The following NIN variants were observed in gnomAD, a reference collection of about 807,000 sequenced individuals.
NIN encodes glycogen synthase kinase 3 beta-interacting protein.
NIN carries 137 observed loss-of-function variants against 257.6 expected under a neutral mutation model. The observed-to-expected ratio is 0.53, with a 90% CI of 0.46 to 0.61. The LOEUF (loss-of-function observed/expected upper bound fraction) is 0.61. Ranked by LOEUF, NIN falls within the 20% of genes least tolerant of loss-of-function variation. The pLI, the probability that NIN is intolerant of heterozygous loss-of-function variation, is 0.00. For synonymous variants in NIN, 918 were observed against 919.8 expected, an observed-to-expected ratio of 1.00 and a Z score of 0.04; for missense variants, 2,439 against 2,501.2, an observed-to-expected ratio of 0.98 and a Z score of 0.53.
chr14:50,769,898 G>GCACCGCTGCGCTCCAGTCTGGGTGA (rs2042657851), intron 12 of NIN, among the ~76,000 whole-genome samples: 1 of 150,796 alleles, frequency 6.6e-6, no homozygotes, highest in Non-Finnish European at 1.5e-5. Context: ...AGTTATAACT[G>GCACCGCTGCGCTCCAGTCTGGGTGA]CACCGCTGCG....
chr14:50,775,359 T>TTTC (rs2042882628), intron 7 of NIN, among the ~76,000 whole-genome samples: 2 of 152,150 alleles, frequency 1.3e-5, no homozygotes, highest in African/African-American at 4.8e-5. Context: ...GTTACAGGCA[T>TTTC]AAGACAGTGA....
At chr14:50,806,940 A>G in intron 3 of NIN, 122 bp from the exon 4 acceptor site, 1 of 492,208 alleles carries the variant, frequency 2.0e-6, no homozygotes, top group East Asian at 3.4e-5. Context: ...TCATAATCCA[A>G]TTTGTTGCCC....
At position 50,756,728 on chromosome 14, in the gene NIN, G is replaced by A. The variant is rs1488305872; in HGVS notation, c.4302C>T (p.Asn1434=). Reference sequence around the variant, plus strand: ...TGTCTTGAAAGCCTAGGAGAGTAGTGTTTTCCTCCAGTATAACTTGATTCT... The same window carrying A: ...TGTCTTGAAAGCCTAGGAGAGTAGTATTTTCCTCCAGTATAACTTGATTCT... The part of the protein sequence containing the change: ...RVQNQVILEE[N]TTLLGFQDKH... Residue 1434 remains asparagine, a synonymous_variant, in exon 18 of 31, where the codon AAC becomes AAT. Coordinates refer to ENST00000530997, the MANE Select transcript of NIN (RefSeq NM_020921.4). The A allele has an allele frequency of 1.3e-6, 2 of 1,551,512 alleles. No homozygotes were observed. The highest frequency in any genetic ancestry group is 1.2e-5 in the South Asian group (1 of 84,076).
At chr14:50,759,816 G>T in intron 17 of NIN, 41 bp downstream of exon 17, 2 of 1,562,930 alleles carry the variant, frequency 1.3e-6, no homozygotes, top group South Asian at 1.2e-5. Context: ...TGCCCCGAGG[G>T]ATGGTGCCCC....
In NIN at chr14:50,757,305, G is replaced by A; in HGVS notation, c.3725C>T (p.Pro1242Leu). Residue 1242 changes from proline to leucine, a missense_variant, in exon 18 of 31, where the codon CCT (proline) becomes CTT (leucine). Coordinates refer to ENST00000530997, the MANE Select transcript of NIN (RefSeq NM_020921.4). ...KKKLKMLERIPEASPKYKLLY... is the reference protein window; with the variant it reads ...KKKLKMLERILEASPKYKLLY... ...CAGCTTATATTTGGGAGAAGCCTCA[G>A]GGATTCTCTCAAGCATCTTCAGTTT... 1 of 1,614,072 alleles carries A rather than the reference G, an allele frequency of 6.2e-7. No individual in the cohort carries two copies. Among genetic ancestry groups the A allele is most frequent in the Non-Finnish European group, 8.5e-7 (1 of 1,180,006 alleles).
rs1390717453 is a variant in NIN at position 50,777,078 on chromosome 14, G to T, written c.537C>A (p.Pro179=). ...LNASQSGSSP[P]QDWIEEKLQE... The stretch of plus-strand genomic sequence containing the variant: ...GCAGTTTCTCTTCTATCCAGTCTTG[G>T]GGAGGGGAAGATCCACTCTGTGAAG... The change falls in exon 7 of 31, where the codon CCC becomes CCA. Residue 179 remains proline (P), a synonymous_variant. Transcript: ENST00000530997. 6.2e-7 allele frequency: 1 copy of T among 1,614,142 alleles called. No homozygotes were observed. The highest frequency in any genetic ancestry group is 8.5e-7 in the Non-Finnish European group (1 of 1,180,016).
intron 4 of NIN, among the ~76,000 whole-genome samples, chr14:50,796,838 C>T (rs1259872096): frequency 6.8e-6 from 1 of 147,708 alleles, no homozygotes; most frequent in Admixed American, 6.6e-5. Context: ...CTTTTTAAAG[C>T]TCTCCCCTAA....
chr14:50,783,114 G>A (rs10143816), intron 5 of NIN, among the ~76,000 whole-genome samples: 123,963 of 152,168 alleles, frequency 0.81, 53,794 homozygotes, highest in East Asian at 1. Flanking sequence ...CTTTTAAGAC[G>A]GAGTCTCACT....
At chr14:50,791,535 A>G (rs2043589738) in intron 5 of NIN, among the ~76,000 whole-genome samples, 1 of 151,836 alleles carries the variant, frequency 6.6e-6, no homozygotes, top group South Asian at 2.1e-4. Flanking sequence ...CTTGTGGTGA[A>G]GGACAAGTGT....
Position 50,758,049 on chromosome 14 carries a change from T to C in NIN, c.2981A>G (p.His994Arg), listed in dbSNP as rs747554822. 1.2e-6 allele frequency: 2 copies of C among 1,614,270 alleles called. No individual in the cohort carries two copies. Among genetic ancestry groups the C allele is most frequent in the Non-Finnish European group, 1.7e-6 (2 of 1,180,052 alleles). Residue 994 changes from histidine to arginine, a missense_variant, in exon 18 of 31, where the codon CAC becomes CGC. Coordinates refer to ENST00000530997, the MANE Select transcript of NIN (RefSeq NM_020921.4). ...ATCTGCTGTCTCACAGGTCGCTTTG[T>C]GAATGTTCTCCATGGCTAGAAGCTT... ...MSKLLAMENI[H>R]KATCETADRE...
chr14:50,783,617 T>C (rs1335441322), intron 5 of NIN, among the ~76,000 whole-genome samples: 1 of 145,608 alleles, frequency 6.9e-6, no homozygotes, highest in East Asian at 2.0e-4. Flanking sequence ...AAGCACAGGG[T>C]GGCTGAGCAT....
At chr14:50,780,560 T>A (rs1466840259) in intron 5 of NIN, among the ~76,000 whole-genome samples, 1 of 152,218 alleles carries the variant, frequency 6.6e-6, no homozygotes, top group African/African-American at 2.4e-5. Flanking sequence ...TCATCTACTT[T>A]ATTCTCCACA....
At chr14:50,805,507 T>C (rs12586802) in intron 4 of NIN, among the ~76,000 whole-genome samples, 116,115 of 151,930 alleles carry the variant, frequency 0.76, 45,369 homozygotes, top group Non-Finnish European at 0.85. Context: ...ATCCAGAACC[T>C]AAAACACTGC....
chr14:50,792,327 T>C (rs1443001102), intron 5 of NIN: 1 of 173,890 alleles, frequency 5.8e-6, no homozygotes, highest in Non-Finnish European at 1.2e-5. Context: ...CTGCTACAGA[T>C]GCTGTTTTAT....
At chr14:50,740,676 T>A (rs2041241924) in intron 25 of NIN, among the ~76,000 whole-genome samples, 1 of 152,066 alleles carries the variant, frequency 6.6e-6, no homozygotes, top group South Asian at 2.1e-4. Context: ...GAGACAGGGT[T>A]TCGCCATGTT....
intron 5 of NIN, among the ~76,000 whole-genome samples, chr14:50,791,807 G>GCACACACCACACA (rs1555388930): frequency 8.6e-6 from 1 of 116,702 alleles, no homozygotes; most frequent in East Asian, 2.2e-4. Flanking sequence ...AGGTGCACGC[G>GCACACACCACACA]CACACACACA....
At chr14:50,780,850 C>G (rs1341703724) in intron 5 of NIN, among the ~76,000 whole-genome samples, 4 of 152,132 alleles carry the variant, frequency 2.6e-5, no homozygotes, top group Non-Finnish European at 4.4e-5. Context: ...GTGATTTTTG[C>G]TTGTGATAAC....
At chr14:50,803,139 G>A in intron 4 of NIN, among the ~76,000 whole-genome samples, 1 of 152,140 alleles carries the variant, frequency 6.6e-6, no homozygotes. Context: ...AGATCACAAG[G>A]TCAGGAGTTC....
At chr14:50,734,673 A>T (rs2040888009) in intron 28 of NIN, among the ~76,000 whole-genome samples, 1 of 151,394 alleles carries the variant, frequency 6.6e-6, no homozygotes, top group African/African-American at 2.4e-5. Context: ...TTACAAATCC[A>T]TTTTTTTTCT....
Sources: gnomAD v4.1 joint callset for allele counts (sites outside exome capture counted in the v4.1 genomes callset) on GRCh38, gnomAD v4.1.1 for gene constraint, MANE v1.5 for transcripts, NCBI Gene and HGNC (gene_info 2026-07-23, HGNC 2026-07-21) for gene names.